The following HIVEP1 variants were observed in gnomAD, a reference collection of about 807,000 sequenced individuals.
HIVEP1 encodes the protein HIVEP zinc finger 1, also known as zinc finger protein 40.
A neutral mutation model predicts 180.0 loss-of-function variants in HIVEP1; 36 were observed. That is an observed-to-expected ratio of 0.20 (90% CI 0.15 to 0.26). The LOEUF (loss-of-function observed/expected upper bound fraction) is 0.26. Ranked by LOEUF, HIVEP1 falls within the 10% of genes least tolerant of loss-of-function variation. HIVEP1 has a pLI of 1.00. For synonymous variants in HIVEP1, 1,239 were observed against 1,239.0 expected (o/e 1.00, Z 0.00); for missense variants, 3,143 against 3,268.7 (o/e 0.96, Z 0.94).
chr6:12,097,084 T>A (rs530155931), intron 3 of HIVEP1, among the ~76,000 whole-genome samples: 214 of 152,136 alleles, frequency 1.4e-3, no homozygotes, highest in African/African-American at 4.9e-3. Flanking sequence ...TGGAATGCAG[T>A]TTTATTATTT....
intron 7 of HIVEP1, among the ~76,000 whole-genome samples, chr6:12,151,496 G>A (rs1046647851): frequency 6.6e-6 from 1 of 152,142 alleles, no homozygotes; most frequent in African/African-American, 2.4e-5. Flanking sequence ...TTGGCATAAT[G>A]ACAGGGCTCC....
At chr6:12,134,154 G>A (rs1245026872) in intron 6 of HIVEP1, among the ~76,000 whole-genome samples, 3 of 152,146 alleles carry the variant, frequency 2.0e-5, no homozygotes, top group Non-Finnish European at 4.4e-5. Flanking sequence ...CATAAAAGTA[G>A]AGATCTGTAT....
intron 2 of HIVEP1, among the ~76,000 whole-genome samples, chr6:12,084,173 C>T (rs1772967979): frequency 6.6e-6 from 1 of 152,118 alleles, no homozygotes; most frequent in Non-Finnish European, 1.5e-5. Flanking sequence ...TCAAGCTTTC[C>T]TCATTCTGGA....
chr6:12,019,384 A>T (rs1768042586), intron 2 of HIVEP1, among the ~76,000 whole-genome samples: 1 of 152,174 alleles, frequency 6.6e-6, no homozygotes, highest in African/African-American at 2.4e-5. Context: ...TCCTGAGATT[A>T]ATTTTTGAGC....
At chr6:12,051,469 G>A (rs1188920216) in intron 2 of HIVEP1, among the ~76,000 whole-genome samples, 1 of 151,974 alleles carries the variant, frequency 6.6e-6, no homozygotes, top group Non-Finnish European at 1.5e-5. Flanking sequence ...CTCCCCTCCA[G>A]TAAGTAACCA....
At chr6:12,045,772 TTA>T (rs2113697804) in intron 2 of HIVEP1, among the ~76,000 whole-genome samples, 1 of 152,360 alleles carries the variant, frequency 6.6e-6, no homozygotes, top group South Asian at 2.1e-4. Flanking sequence ...TAAAATTGCC[TTA>T]TAATTTTAAC....
At chr6:12,179,480 A>G in the HIVEP1 span, among the ~76,000 whole-genome samples, 1 of 152,226 alleles carries the variant, frequency 6.6e-6, no homozygotes, top group African/African-American at 2.4e-5. Flanking sequence ...GGATAGCTCA[A>G]TCTTACAGCA....
At chr6:12,130,039 A>G in intron 5 of HIVEP1, 147 bp downstream of exon 5, 1 of 617,162 alleles carries the variant, frequency 1.6e-6, no homozygotes. Context: ...ATAGCAAAAT[A>G]TGTTAACATT....
chr6:12,168,086 T>G (rs1222613289), downstream of HIVEP1, among the ~76,000 whole-genome samples: 2 of 66,560 alleles, frequency 3.0e-5, 1 homozygote, highest in Admixed American at 3.9e-4. Context: ...TATATATACA[T>G]ATATACACAT....
the HIVEP1 span, among the ~76,000 whole-genome samples, chr6:12,211,729 T>A: frequency 1.3e-5 from 2 of 151,664 alleles, no homozygotes; most frequent in Non-Finnish European, 2.9e-5. Context: ...GGAAAAAAAA[T>A]TAGTTTGGTC....
the HIVEP1 span, among the ~76,000 whole-genome samples, chr6:12,205,424 TTG>T: frequency 6.6e-6 from 1 of 151,942 alleles, no homozygotes. Flanking sequence ...TGAGCCGAGA[TTG>T]CGCCACTGCA....
At chr6:12,162,262 C>T (rs545917710) in intron 8 of HIVEP1, among the ~76,000 whole-genome samples, 113 of 151,412 alleles carry the variant, frequency 7.5e-4, no homozygotes, top group African/African-American at 2.6e-3. Context: ...ACACAAGTCC[C>T]GCAACTGATT....
At chr6:12,068,177 G>A (rs530365507) in intron 2 of HIVEP1, among the ~76,000 whole-genome samples, 3 of 152,046 alleles carry the variant, frequency 2.0e-5, no homozygotes, top group Non-Finnish European at 2.9e-5. Flanking sequence ...TGCAATCTCC[G>A]CCTCCTGGGT....
At chr6:12,077,300 G>A (rs190864698) in intron 2 of HIVEP1, among the ~76,000 whole-genome samples, 22 of 152,278 alleles carry the variant, frequency 1.4e-4, no homozygotes, top group Admixed American at 1.4e-3. Flanking sequence ...CCTGACTATT[G>A]TCACTGGCAA....
Position 12,123,788 on chromosome 6 carries a change from G to A in HIVEP1, c.3993G>A (p.Glu1331=), listed in dbSNP as rs1249673965. The change falls in exon 4 of 9, where the codon GAG becomes GAA. Residue 1331 remains glutamate (E), a synonymous_variant. Transcript: ENST00000379388. ...ACATAGAGGACGTTTCTAAAACGGA[G>A]GCTTCCCCCAAAATCGATTTTCTAA... ...SLDIEDVSKT[E]ASPKIDFLNK... is the part of the protein sequence containing the mutation. The A allele has an allele frequency of 6.2e-7, 1 of 1,614,018 alleles. No homozygotes were observed. Among genetic ancestry groups the A allele is most frequent in the African/African-American group, 1.3e-5 (1 of 74,894 alleles).
upstream of HIVEP1, among the ~76,000 whole-genome samples, chr6:12,011,578 C>A (rs1373319148): frequency 6.6e-6 from 1 of 150,586 alleles, no homozygotes; most frequent in South Asian, 2.1e-4. Context: ...GCCCCTCCCC[C>A]CCGGGCTGCG....
the HIVEP1 span, among the ~76,000 whole-genome samples, chr6:12,205,682 A>G: frequency 4.0e-3 from 611 of 152,290 alleles, 2 homozygotes; most frequent in African/African-American, 0.014. Flanking sequence ...GGTTATATAA[A>G]TTAATATTTG....
the HIVEP1 span, among the ~76,000 whole-genome samples, chr6:12,202,352 T>C: frequency 1.1e-4 from 17 of 152,054 alleles, no homozygotes; most frequent in South Asian, 1.0e-3. Flanking sequence ...TTGCTTAGGC[T>C]GTTCTCAAAC....
the HIVEP1 span, among the ~76,000 whole-genome samples, chr6:12,171,552 G>C: frequency 0.034 from 5,189 of 151,576 alleles, 103 homozygotes; most frequent in Non-Finnish European, 0.045. Flanking sequence ...ATAATCTGGC[G>C]GGTTCCTCAC....
Sources: gnomAD v4.1 joint callset for allele counts (sites outside exome capture counted in the v4.1 genomes callset) on GRCh38, gnomAD v4.1.1 for gene constraint, MANE v1.5 for transcripts, NCBI Gene and HGNC (gene_info 2026-07-23, HGNC 2026-07-21) for gene names.